XRRA1: variants seen among roughly 807,000 people sequenced by gnomAD.
XRRA1 encodes X-ray radiation resistance associated 1, also known as X-ray radiation resistance-associated protein 1.
XRRA1 carries 69 observed loss-of-function variants against 80.2 expected under a neutral mutation model. That is an observed-to-expected ratio of 0.86 (90% CI 0.71 to 1.05). The LOEUF is 1.05. Among genes scored for constraint, XRRA1 ranks in the 50% least tolerant of loss-of-function variants. The pLI, the probability that XRRA1 is intolerant of heterozygous loss-of-function variation, is 0.00. For synonymous variants in XRRA1, 348 were observed against 389.9 expected, an observed-to-expected ratio of 0.89 and a Z score of 1.27; for missense variants, 967 against 976.4, an observed-to-expected ratio of 0.99 and a Z score of 0.13.
At chr11:74,866,909 C>G (rs1282346548) in intron 10 of XRRA1, among the ~76,000 whole-genome samples, 1 of 152,080 alleles carries the variant, frequency 6.6e-6, no homozygotes, top group Non-Finnish European at 1.5e-5. Context: ...ATGAGAAAGA[C>G]AAAAGGGGTA....
Position 74,842,649 on chromosome 11 carries a change from A to G in XRRA1, c.*551T>C, listed in dbSNP as rs1243146860. The G allele has an allele frequency of 6.5e-6, 1 of 152,862 alleles. No homozygotes were observed. The highest frequency in any genetic ancestry group is 2.4e-5 in the African/African-American group (1 of 41,460). The allele number at this position is 152,862 out of a possible 1,614,324, so 9.5% of individuals were successfully genotyped here. On this transcript the variant is annotated 3_prime_UTR_variant, in exon 19 of 19. Transcript: ENST00000684022. ...TATGTCCAGTTTACAGTTTGCTCCAATTTACTGTCATGTTCACATTCAACC... is the reference window on the plus strand; with the variant it reads ...TATGTCCAGTTTACAGTTTGCTCCAGTTTACTGTCATGTTCACATTCAACC...
intron 10 of XRRA1, among the ~76,000 whole-genome samples, chr11:74,880,274 TGA>T (rs1402379366): frequency 1.3e-5 from 2 of 152,284 alleles, no homozygotes; most frequent in African/African-American, 4.8e-5. Flanking sequence ...TAGTATTCTC[TGA>T]TGGTAGTTTG....
chr11:74,929,885 C>T (rs1003089013), intron 6 of XRRA1, among the ~76,000 whole-genome samples: 2 of 152,122 alleles, frequency 1.3e-5, no homozygotes, highest in Non-Finnish European at 2.9e-5. Context: ...ACTGTATGCA[C>T]TCATTTCTAA....
chr11:74,905,337 C>T (rs2138105437), intron 10 of XRRA1, among the ~76,000 whole-genome samples: 1 of 152,202 alleles, frequency 6.6e-6, no homozygotes, highest in East Asian at 1.9e-4. Flanking sequence ...CCCAAAATAA[C>T]TGCCACTGTG....
At position 74,841,990 on chromosome 11, in the gene XRRA1, A is replaced by C; in HGVS notation, c.*1210T>G. On this transcript the variant is annotated 3_prime_UTR_variant, in exon 19 of 19. Coordinates refer to ENST00000684022, the MANE Select transcript of XRRA1 (RefSeq NM_001378157.1). The stretch of plus-strand genomic sequence containing the variant: ...GATACTATGCAAGGGAAAAAAATTT[A>C]AATGCCAACGAATAGTTTTTTTTTT... 1 of 151,708 alleles carries C rather than the reference A, an allele frequency of 6.6e-6. No individual in the cohort carries two copies. Among genetic ancestry groups the C allele is most frequent in the East Asian group, 1.9e-4 (1 of 5,196 alleles). The allele number at this position is 151,708 out of a possible 1,614,324, so 9.4% of individuals were successfully genotyped here.
chr11:74,846,932 T>C (rs550817540), intron 15 of XRRA1, among the ~76,000 whole-genome samples: 19 of 152,216 alleles, frequency 1.2e-4, no homozygotes, highest in African/African-American at 4.3e-4. Flanking sequence ...TTTTTTTTTT[T>C]TTCTGAAAAC....
intron 7 of XRRA1, among the ~76,000 whole-genome samples, chr11:74,924,694 G>A (rs549931582): frequency 3.0e-4 from 46 of 151,772 alleles, no homozygotes; most frequent in African/African-American, 1.0e-3. Context: ...TTAGCTGGGT[G>A]TGGTGGTGCA....
intron 12 of XRRA1, 74 bp from the exon 13 acceptor site, chr11:74,852,156 A>C: frequency 8.1e-7 from 1 of 1,227,684 alleles, no homozygotes; most frequent in South Asian, 1.2e-5. Context: ...TAGGCCCCTC[A>C]CTGCAGGGCT....
rs542342426 is a variant in XRRA1, at chr11:74,888,447, A to AT, written c.1003+17791dup. Among the ~76,000 whole-genome samples the AT allele has an allele frequency of 9.8e-5, 15 of 152,350 alleles. No homozygotes were observed. In the East Asian group the frequency reaches 2.7e-3, roughly 27 times the overall value. On this transcript the variant is annotated intron_variant, in intron 10 of 18. Coordinates refer to ENST00000684022, the MANE Select transcript of XRRA1 (RefSeq NM_001378157.1). ...CACCATCATCAAAGGCCAAAGGTAG[A>AT]TAAAACCACAAAGATGGGGAAAAAA...
At chr11:74,911,047 A>C (rs774380797) in intron 8 of XRRA1, among the ~76,000 whole-genome samples, 3 of 152,138 alleles carry the variant, frequency 2.0e-5, no homozygotes, top group African/African-American at 4.8e-5. Flanking sequence ...ACAGGCTTAT[A>C]ATTCAGAAGA....
In XRRA1 at chr11:74,921,278, G is replaced by A; in HGVS notation, c.592C>T (p.Arg198Cys). The A allele has an allele frequency of 4.3e-6, 7 of 1,613,994 alleles. No homozygotes were observed. The highest frequency in any genetic ancestry group is 1.1e-5 in the South Asian group (1 of 91,082). ...ICDLGILPHLRVLLLTGNGLT... is the reference protein window; with the variant it reads ...ICDLGILPHLCVLLLTGNGLT... ...CCATTGCCTGTGAGGAGCAGGACACGGAGGTGTGGCAGAATCCCCAAATCA... is the reference window on the plus strand; with the variant it reads ...CCATTGCCTGTGAGGAGCAGGACACAGAGGTGTGGCAGAATCCCCAAATCA... The change falls in exon 8 of 19, where the codon CGT becomes TGT. Residue 198 changes from arginine (R) to cysteine (C), a missense_variant. Physicochemically the swap from Arg to Cys is radical, Grantham distance 180. Transcript: ENST00000684022.
chr11:74,878,688 C>G (rs1402257224), intron 10 of XRRA1, among the ~76,000 whole-genome samples: 27 of 148,410 alleles, frequency 1.8e-4, no homozygotes, highest in Non-Finnish European at 2.1e-4. Flanking sequence ...ATATGGCTAG[C>G]CAGTTTTCCC....
intron 16 of XRRA1, 28 bp downstream of exon 16, chr11:74,845,045 C>A: frequency 6.2e-7 from 1 of 1,608,972 alleles, no homozygotes. Context: ...GGCCTCTTGC[C>A]CTAGAGCAAG....
chr11:74,845,036 G>A, intron 16 of XRRA1, 37 bp downstream of exon 16: 8 of 1,599,852 alleles, frequency 5.0e-6, no homozygotes, highest in Non-Finnish European at 6.0e-6. Flanking sequence ...TGTGGAGATG[G>A]CCTCTTGCCC....
chr11:74,848,580 G>A, intron 14 of XRRA1, 118 bp from the exon 15 acceptor site: 2 of 843,990 alleles, frequency 2.4e-6, no homozygotes, highest in Non-Finnish European at 1.8e-6. Context: ...GACTGAGGCG[G>A]GGGTGGAAAG....
rs150412582 is a variant in XRRA1 at position 74,866,634 on chromosome 11, A to T, written c.1004-3613T>A. On this transcript the variant is annotated intron_variant, in intron 10 of 18. Transcript: ENST00000684022. ...GTTCAGAAATTTACCAGAAAAATTT[A>T]ACAAGGAGATTGAAATAATTAAAAA... 6.3e-4 allele frequency among the ~76,000 whole-genome samples: 95 copies of T among 149,622 alleles called. No homozygotes were observed. The East Asian group carries it at 0.018, about 29-fold the overall frequency.
intron 10 of XRRA1, among the ~76,000 whole-genome samples, chr11:74,882,795 G>C (rs1280270613): frequency 6.6e-6 from 1 of 151,998 alleles, no homozygotes; most frequent in Non-Finnish European, 1.5e-5. Context: ...TGCCCCTGCT[G>C]GGGGGGTGCC....
rs371352369 is a variant in XRRA1, at chr11:74,851,993, T to C, written c.1260A>G (p.Thr420=). Residue 420 remains threonine, a synonymous_variant, in exon 13 of 19, where the codon ACA becomes ACG. Transcript: ENST00000684022. ...VFHNNPLVAH[T]RGVPPLLKSF... is the part of the protein sequence containing the mutation. Reference sequence around the variant, plus strand: ...GCAGGTTTGCGGGCACTATACCTCGTGTATGGGCCACCAGAGGGTTGTTAT... The same window carrying C: ...GCAGGTTTGCGGGCACTATACCTCGCGTATGGGCCACCAGAGGGTTGTTAT... The C allele has an allele frequency of 6.2e-7, 1 of 1,613,546 alleles. No individual in the cohort carries two copies. The highest frequency in any genetic ancestry group is 8.5e-7 in the Non-Finnish European group (1 of 1,179,662).
chr11:74,918,326 G>A (rs1020877652), intron 8 of XRRA1, among the ~76,000 whole-genome samples: 4 of 151,366 alleles, frequency 2.6e-5, no homozygotes, highest in Admixed American at 2.6e-4. Context: ...GTGTGTGTGT[G>A]CACTCGCATG....
Sources: gnomAD v4.1 joint callset for allele counts (sites outside exome capture counted in the v4.1 genomes callset) on GRCh38, gnomAD v4.1.1 for gene constraint, MANE v1.5 for transcripts, NCBI Gene and HGNC (gene_info 2026-07-23, HGNC 2026-07-21) for gene names.